The following KPRP variants were observed in gnomAD, a reference collection of about 807,000 sequenced individuals.
The protein encoded by KPRP is keratinocyte proline rich protein.
For synonymous variants in KPRP, 282 were observed against 276.9 expected (o/e 1.02, Z -0.18); for missense variants, 820 against 746.4 (o/e 1.10, Z -1.15).
At chr1:152,760,457 G>T (rs777924792) in exon 1 of KPRP, 10 of 1,613,488 alleles carry the variant, frequency 6.2e-6, no homozygotes, top group Admixed American at 3.3e-5. Context: ...CCCTCTGAAG[G>T]TTTCCCTAAC....
At chr1:152,760,001 T>G in exon 1 of KPRP, 1 of 1,614,164 alleles carries the variant, frequency 6.2e-7, no homozygotes, top group African/African-American at 1.3e-5. Context: ...TGTGCTCCAG[T>G]TTGTTATACA....
At chr1:152,761,321 A>T in exon 1 of KPRP, 1 of 1,612,370 alleles carries the variant, frequency 6.2e-7, no homozygotes, top group Non-Finnish European at 8.5e-7. Flanking sequence ...AAGAGTGCTT[A>T]TTTTTAAAGG....
At chr1:152,761,315 G>A in exon 1 of KPRP, 1 of 1,612,884 alleles carries the variant, frequency 6.2e-7, no homozygotes, top group Non-Finnish European at 8.5e-7. Flanking sequence ...GAAGCAAAGA[G>A]TGCTTATTTT....
chr1:152,758,860 G>A (rs531887472), upstream of KPRP, among the ~76,000 whole-genome samples: 2 of 152,346 alleles, frequency 1.3e-5, no homozygotes, highest in African/African-American at 2.4e-5. Context: ...GGTGGTCAGA[G>A]TCTTTCCAAG....
exon 1 of KPRP, chr1:152,759,905 C>T (rs1651050126): frequency 3.1e-6 from 5 of 1,614,114 alleles, no homozygotes; most frequent in East Asian, 2.2e-5. Flanking sequence ...CAAACTTCCT[C>T]TGTTCAAAGC....
exon 1 of KPRP, chr1:152,759,833 A>G (rs1651048169): frequency 6.2e-7 from 1 of 1,613,934 alleles, no homozygotes; most frequent in South Asian, 1.1e-5. Context: ...AAGCAGGTGA[A>G]GGGCCAGGCT....
At chr1:152,761,126 T>A in exon 1 of KPRP, 2 of 1,614,098 alleles carry the variant, frequency 1.2e-6, no homozygotes, top group Non-Finnish European at 1.7e-6. Context: ...CCAGGAGACC[T>A]AGGCTGTCAT....
At chr1:152,759,208 T>C (rs1438214463), upstream of KPRP, among the ~76,000 whole-genome samples, 1 of 152,236 alleles carries the variant, frequency 6.6e-6, no homozygotes, top group Non-Finnish European at 1.5e-5. Flanking sequence ...CTTTGGGCTA[T>C]AGCCTTAGGA....
chr1:152,761,606 T>C, exon 1 of KPRP: 4 of 385,324 alleles, frequency 1.0e-5, no homozygotes, highest in East Asian at 5.8e-5. Flanking sequence ...CCCCAGGCCA[T>C]ACTTTAGATG....
chr1:152,759,771 C>T, exon 1 of KPRP: 1 of 1,614,202 alleles, frequency 6.2e-7, no homozygotes, highest in Non-Finnish European at 8.5e-7. Flanking sequence ...AGGTGTCAGA[C>T]CAGGCTCCAT....
exon 1 of KPRP, chr1:152,760,255 T>C: frequency 6.2e-7 from 1 of 1,614,034 alleles, no homozygotes; most frequent in Non-Finnish European, 8.5e-7. Context: ...TCAGTATCGG[T>C]CCCGGACTTC....
rs145128943 is a variant in KPRP, at chr1:152,760,716, A to G, written c.1128A>G (p.Pro376=). ...CTGAGCTGAGGCCACACGTAGAGCC[A>G]CGTCCACTCCCAAGCTTCTGTCCAC... Residue 376 remains proline (P), a synonymous_variant, in exon 1 of 1, where the codon CCA becomes CCG. Transcript: ENST00000606109. 42 of 1,613,952 alleles carry G rather than the reference A, an allele frequency of 2.6e-5. No homozygotes were observed. The African/African-American group carries it at 5.2e-4, about 20-fold the overall frequency.
chr1:152,761,137 G>A, exon 1 of KPRP: 2 of 1,614,156 alleles, frequency 1.2e-6, no homozygotes, highest in Non-Finnish European at 1.7e-6. Context: ...AGGCTGTCAT[G>A]AGTCTAGTCC....
At chr1:152,759,232 T>G (rs1651029042), upstream of KPRP, among the ~76,000 whole-genome samples, 1 of 152,220 alleles carries the variant, frequency 6.6e-6, no homozygotes, top group African/African-American at 2.4e-5. Context: ...AGTTGTTATC[T>G]CTACTTCCTG....
upstream of KPRP, chr1:152,759,458 G>C (rs1346384795): frequency 6.4e-6 from 9 of 1,410,288 alleles, no homozygotes; most frequent in South Asian, 1.3e-4. Flanking sequence ...GAAAGTTGAG[G>C]GTGGAGGAAG....
At chr1:152,759,015 A>G (rs1415040453), upstream of KPRP, among the ~76,000 whole-genome samples, 1 of 152,258 alleles carries the variant, frequency 6.6e-6, no homozygotes, top group Admixed American at 6.5e-5. Context: ...GAATATAGAG[A>G]AACAAACATT....
At chr1:152,761,278 G>A in exon 1 of KPRP, 2 of 1,614,128 alleles carry the variant, frequency 1.2e-6, no homozygotes, top group African/African-American at 2.7e-5. Flanking sequence ...TGGAGACCAA[G>A]GCAATGCCTT....
chr1:152,760,573 A>T, exon 1 of KPRP: 1 of 1,609,116 alleles, frequency 6.2e-7, no homozygotes, highest in Non-Finnish European at 8.5e-7. Context: ...CCGAATCGAG[A>T]TTTCCTCCCC....
At chr1:152,761,095 G>C in exon 1 of KPRP, 1 of 1,614,052 alleles carries the variant, frequency 6.2e-7, no homozygotes, top group Non-Finnish European at 8.5e-7. Flanking sequence ...CCCATGCTGG[G>C]GCCCAAATCC....
Sources: gnomAD v4.1 joint callset for allele counts (sites outside exome capture counted in the v4.1 genomes callset) on GRCh38, gnomAD v4.1.1 for gene constraint, MANE v1.5 for transcripts, NCBI Gene and HGNC (gene_info 2026-07-23, HGNC 2026-07-21) for gene names.